Variants in NCOA6 observed in about 807,000 individuals in gnomAD.
NCOA6 encodes the protein NRC RAP250.
NCOA6 carries 49 observed loss-of-function variants against 171.4 expected under a neutral mutation model. The ratio of observed to expected loss-of-function variants is 0.29; its 90% confidence interval spans 0.23 to 0.36. The LOEUF (loss-of-function observed/expected upper bound fraction) is 0.36. Among genes scored for constraint, NCOA6 ranks in the 10% least tolerant of loss-of-function variants. The pLI, the probability that NCOA6 is intolerant of heterozygous loss-of-function variation, is 1.00. For missense variants in NCOA6, 2,248 were observed against 2,554.5 expected, an observed-to-expected ratio of 0.88 and a Z score of 2.59; for synonymous variants, 910 against 927.5, an observed-to-expected ratio of 0.98 and a Z score of 0.34.
At chr20:34,794,666 T>C (rs1454297578) in intron 1 of NCOA6, among the ~76,000 whole-genome samples, 1 of 152,070 alleles carries the variant, frequency 6.6e-6, no homozygotes, top group East Asian at 1.9e-4. Flanking sequence ...TACATGCTAG[T>C]GCTAAAATAC....
chr20:34,749,274 G>T, intron 9 of NCOA6, 129 bp downstream of exon 9: 1 of 1,161,100 alleles, frequency 8.6e-7, no homozygotes, highest in Admixed American at 2.5e-5. Flanking sequence ...ACTATGAGTT[G>T]ATAATTATTG....
rs201823983 is a variant in NCOA6, at chr20:34,754,702, A to C, written c.1675+20T>G. The C allele has an allele frequency of 2.8e-5, 45 of 1,614,154 alleles. No individual in the cohort carries two copies. The African/African-American group carries it at 4.8e-4, about 17-fold the overall frequency. ...ACAATGCTCAATAAATGCTGGCTAAACAAATCACAGAAAACAAACCTGCAT... is the reference window on the plus strand; with the variant it reads ...ACAATGCTCAATAAATGCTGGCTAACCAAATCACAGAAAACAAACCTGCAT... On this transcript the variant is annotated intron_variant, in intron 8 of 14. Transcript: ENST00000359003.
At chr20:34,805,039 T>A (rs1049751407) in intron 1 of NCOA6, among the ~76,000 whole-genome samples, 1 of 150,912 alleles carries the variant, frequency 6.6e-6, no homozygotes, top group African/African-American at 2.4e-5. Context: ...CTATTTCTTA[T>A]ACCCTTTTTT....
At chr20:34,807,960 G>A (rs2078516683) in intron 1 of NCOA6, among the ~76,000 whole-genome samples, 2 of 151,582 alleles carry the variant, frequency 1.3e-5, no homozygotes, top group South Asian at 4.2e-4. Context: ...GATCACCTTG[G>A]CCAACATGGT....
intron 1 of NCOA6, among the ~76,000 whole-genome samples, chr20:34,814,269 G>A (rs555550166): frequency 6.6e-6 from 1 of 152,192 alleles, no homozygotes; most frequent in South Asian, 2.1e-4. Context: ...AACCTGGGAG[G>A]TGGAGGTTGC....
rs1988366895 is a variant in NCOA6, at chr20:34,715,072, A to G, written c.*250T>C. On this transcript the variant is annotated 3_prime_UTR_variant, in exon 15 of 15. Transcript: ENST00000359003. ...AAATGTGAAAACTAGTAACATTTATAATGGCATTAGCTCCTTTCAATACAA... is the reference window on the plus strand; with the variant it reads ...AAATGTGAAAACTAGTAACATTTATGATGGCATTAGCTCCTTTCAATACAA... 4.5e-6 allele frequency: 2 copies of G among 448,284 alleles called. No individual in the cohort carries two copies. The highest frequency in any genetic ancestry group is 7.1e-5 in the Admixed American group (2 of 28,182). The allele number at this position is 448,284 out of a possible 1,614,324, so 27.8% of individuals were successfully genotyped here.
At chr20:34,772,972 A>G (rs2077196718) in intron 4 of NCOA6, among the ~76,000 whole-genome samples, 1 of 152,166 alleles carries the variant, frequency 6.6e-6, no homozygotes, top group Non-Finnish European at 1.5e-5. Context: ...TCATTCCCCT[A>G]TTTACCAACT....
intron 1 of NCOA6, among the ~76,000 whole-genome samples, chr20:34,802,778 T>C (rs2078298541): frequency 6.6e-6 from 1 of 152,230 alleles, no homozygotes; most frequent in South Asian, 2.1e-4. Context: ...GCACATGAAC[T>C]GAAAGGCAAA....
Position 34,741,877 on chromosome 20 carries a change from T to G in NCOA6, c.4379A>C (p.Lys1460Thr), listed in dbSNP as rs148955887. The change falls in exon 11 of 15, where the codon AAG (lysine) becomes ACG (threonine). Residue 1460 changes from lysine to threonine, a missense_variant. Lys to Thr is a moderately conservative substitution (Grantham distance 78). Transcript: ENST00000359003. Reference sequence around the variant, plus strand: ...GTTAGGATCCGAAGGCTGCCCATCCTTTTTGGACTGATCTTCAGGGACAAC... The same window carrying G: ...GTTAGGATCCGAAGGCTGCCCATCCGTTTTGGACTGATCTTCAGGGACAAC... ...KMVVPEDQSK[K>T]DGQPSDPNKL... The G allele has an allele frequency of 6.2e-7, 1 of 1,614,238 alleles. No individual in the cohort carries two copies. The highest frequency in any genetic ancestry group is 1.7e-5 in the Admixed American group (1 of 60,036).
In NCOA6 at chr20:34,741,608, G is replaced by A. The variant is rs775428616; in HGVS notation, c.4648C>T (p.Pro1550Ser). ...GATGAACACAGCTCATTACTGTGAG[G>A]TAAGTTTAGGGAATTAGAAGGTTCT... Reference protein sequence around the residue: ...SKEPSNSLNLPHSNELCSSLV... With the variant: ...SKEPSNSLNLSHSNELCSSLV... Residue 1550 changes from proline (P) to serine (S), a missense_variant, in exon 11 of 15, where the codon CCT (proline) becomes TCT (serine). Transcript: ENST00000359003. 6 of 1,614,190 alleles carry A rather than the reference G, an allele frequency of 3.7e-6. No homozygotes were observed. The Admixed American group carries it at 5.0e-5, about 13-fold the overall frequency.
chr20:34,717,342 C>T (rs973554128), intron 14 of NCOA6, among the ~76,000 whole-genome samples: 13 of 152,012 alleles, frequency 8.6e-5, no homozygotes, highest in Non-Finnish European at 1.8e-4. Flanking sequence ...CCCAGTTACT[C>T]GGGAGGCTAA....
At chr20:34,784,159 A>G (rs2077596230) in intron 2 of NCOA6, among the ~76,000 whole-genome samples, 1 of 152,154 alleles carries the variant, frequency 6.6e-6, no homozygotes, top group African/African-American at 2.4e-5. Context: ...AGGAAATACA[A>G]AACTGCTGTA....
chr20:34,743,366 G>C (rs1165358206), intron 10 of NCOA6, 25 bp from the exon 11 acceptor site: 3 of 1,569,810 alleles, frequency 1.9e-6, no homozygotes, highest in Non-Finnish European at 2.6e-6. Context: ...CCAAATTAGG[G>C]AAGTTAGATT....
At chr20:34,722,054 C>CAAAAAAA (rs71196757) in intron 14 of NCOA6, among the ~76,000 whole-genome samples, 2 of 63,386 alleles carry the variant, frequency 3.2e-5, no homozygotes, top group Admixed American at 2.2e-4. Context: ...GACCCTGTCT[C>CAAAAAAA]AAAAAAAAAA....
At chr20:34,766,461 T>TACAAA (rs2076985487) in intron 5 of NCOA6, among the ~76,000 whole-genome samples, 1 of 151,522 alleles carries the variant, frequency 6.6e-6, no homozygotes, top group African/African-American at 2.4e-5. Context: ...CAAAAAACAA[T>TACAAA]ACAAAACAAA....
rs1275016442 is a variant in NCOA6, at chr20:34,725,448, T to TGGG, written c.6148+1810_6148+1811insCCC. ...AGAGAAGAGCACTCCCTGCAGTAGC[T>TGGG]GCAACATATGCACAGGCTTGTGATC... On this transcript the variant is annotated intron_variant, in intron 14 of 14. Coordinates refer to ENST00000359003, the MANE Select transcript of NCOA6 (RefSeq NM_014071.5). 6.8e-4 allele frequency among the ~76,000 whole-genome samples: 104 copies of TGGG among 152,276 alleles called. 2 individuals carry two copies. Among genetic ancestry groups the TGGG allele is most frequent in the African/African-American group, 2.2e-3 (92 of 41,546 alleles).
intron 1 of NCOA6, among the ~76,000 whole-genome samples, chr20:34,792,776 A>ATT (rs35924752): frequency 0.34 from 37,738 of 112,298 alleles, 6,552 homozygotes; most frequent in Middle Eastern, 0.4. Context: ...ATCTTTTCTG[A>ATT]TTTTTTTTTT....
chr20:34,805,298 C>T (rs2078410597), intron 1 of NCOA6, among the ~76,000 whole-genome samples: 1 of 152,178 alleles, frequency 6.6e-6, no homozygotes, highest in African/African-American at 2.4e-5. Context: ...CCACCTGGGC[C>T]TCTCAAAGTG....
At chr20:34,715,648 A>G (rs1043158626) in intron 14 of NCOA6, among the ~76,000 whole-genome samples, 1 of 152,206 alleles carries the variant, frequency 6.6e-6, no homozygotes, top group Non-Finnish European at 1.5e-5. Flanking sequence ...GTAGCTGGGC[A>G]ATTCACCCAC....
Sources: gnomAD v4.1 joint callset for allele counts (sites outside exome capture counted in the v4.1 genomes callset) on GRCh38, gnomAD v4.1.1 for gene constraint, MANE v1.5 for transcripts, NCBI Gene and HGNC (gene_info 2026-07-23, HGNC 2026-07-21) for gene names.